The following ATAD2B variants were observed in gnomAD, a reference collection of about 807,000 sequenced individuals.
ATAD2B encodes ATPase family AAA domain-containing protein 2B.
Under a neutral mutation model 167.6 loss-of-function variants are expected in ATAD2B, and 40 were observed. The observed-to-expected ratio is 0.24, with a 90% CI of 0.19 to 0.31. ATAD2B has a LOEUF of 0.31. Ranked by LOEUF, ATAD2B falls within the 10% of genes least tolerant of loss-of-function variation. The pLI is 1.00. For missense variants in ATAD2B, 1,242 were observed against 1,757.2 expected (o/e 0.71, Z 5.24); for synonymous variants, 579 against 596.5 (o/e 0.97, Z 0.43).
intron 10 of ATAD2B, chr2:23,865,893 G>C (rs1191418277): frequency 3.9e-5 from 25 of 642,214 alleles, no homozygotes; most frequent in Non-Finnish European, 4.4e-5. Context: ...AAAGTGTACA[G>C]ACAAAAAATG....
At chr2:23,839,678 G>T (rs965089731) in intron 13 of ATAD2B, among the ~76,000 whole-genome samples, 6 of 152,158 alleles carry the variant, frequency 3.9e-5, no homozygotes, top group African/African-American at 1.4e-4. Flanking sequence ...ATGTTCACAA[G>T]TGAGACTAGT....
rs558358718 is a variant in ATAD2B, at chr2:23,811,913, AAACT to A, written c.2268-1415_2268-1412del. ...ACAAATTTTATTTCTGTAACAACAAAAACTAACTGTTACTACCCTGACAGATGAC... is the reference window on the plus strand; with the variant it reads ...ACAAATTTTATTTCTGTAACAACAAAAACTGTTACTACCCTGACAGATGAC... On this transcript the variant is annotated intron_variant, in intron 17 of 27. Coordinates refer to ENST00000238789, the MANE Select transcript of ATAD2B (RefSeq NM_017552.4). Among the ~76,000 whole-genome samples the A allele has an allele frequency of 2.0e-4, 31 of 152,180 alleles. No individual in the cohort carries two copies. The South Asian group carries it at 4.4e-3, about 21-fold the overall frequency.
intron 22 of ATAD2B, among the ~76,000 whole-genome samples, chr2:23,775,197 A>G (rs181661072): frequency 2.0e-5 from 3 of 151,260 alleles, no homozygotes; most frequent in African/African-American, 7.3e-5. Flanking sequence ...GGGTAGGTAA[A>G]TTTTATTTTA....
intron 1 of ATAD2B, among the ~76,000 whole-genome samples, chr2:23,904,724 C>T (rs1436044642): frequency 1.3e-5 from 2 of 152,020 alleles, no homozygotes; most frequent in Non-Finnish European, 2.9e-5. Flanking sequence ...TGTATGGGTA[C>T]AAATCAATCT....
intron 15 of ATAD2B, among the ~76,000 whole-genome samples, chr2:23,828,055 A>C (rs945631562): frequency 3.9e-5 from 6 of 152,000 alleles, no homozygotes; most frequent in Non-Finnish European, 7.4e-5. Context: ...AATGCTTAAA[A>C]AGTTCATGAA....
chr2:23,788,389 A>G, intron 20 of ATAD2B, 123 bp downstream of exon 20: 3 of 1,106,438 alleles, frequency 2.7e-6, no homozygotes, highest in Non-Finnish European at 3.9e-6. Flanking sequence ...TCATCTAAAG[A>G]TAAACAGAAC....
At chr2:23,834,146 G>C in intron 13 of ATAD2B, 68 bp from the exon 14 acceptor site, 1 of 176,460 alleles carries the variant, frequency 5.7e-6, no homozygotes. Flanking sequence ...ACGTTTATCA[G>C]TCTTTCTTTT....
chr2:23,753,582 AT>A (rs1427573174), intron 27 of ATAD2B, among the ~76,000 whole-genome samples: 1 of 152,202 alleles, frequency 6.6e-6, no homozygotes, highest in African/African-American at 2.4e-5. Context: ...GCTCATATTT[AT>A]ACAGGAAGAA....
the ATAD2B span, chr2:23,684,341 T>TAAAA: frequency 1.0e-6 from 1 of 994,028 alleles, no homozygotes; most frequent in Admixed American, 4.2e-5. This position sits in a 1 kb window ranked among gnomAD's most constrained non-coding sequence, Gnocchi z 4.4. Flanking sequence ...TTTTTTTAAT[T>TAAAA]AAAAAAAAAA....
chr2:23,918,694 T>C (rs1703442613), intron 1 of ATAD2B, among the ~76,000 whole-genome samples: 1 of 152,190 alleles, frequency 6.6e-6, no homozygotes, highest in South Asian at 2.1e-4. Context: ...ATACTTACAG[T>C]ATACAACAGC....
At chr2:23,775,913 C>T (rs1263928909) in intron 22 of ATAD2B, among the ~76,000 whole-genome samples, 1 of 151,944 alleles carries the variant, frequency 6.6e-6, no homozygotes, top group Non-Finnish European at 1.5e-5. Flanking sequence ...GTCAAGAGAT[C>T]GAGACCATCC....
downstream of ATAD2B, among the ~76,000 whole-genome samples, chr2:23,744,062 A>G (rs1196534575): frequency 6.6e-6 from 1 of 152,254 alleles, no homozygotes; most frequent in East Asian, 1.9e-4. Context: ...AATAATGCAA[A>G]TACTGAATAA....
intron 19 of ATAD2B, among the ~76,000 whole-genome samples, chr2:23,795,365 G>T (rs771033500): frequency 6.6e-6 from 1 of 151,796 alleles, no homozygotes; most frequent in Non-Finnish European, 1.5e-5. Context: ...TCACTCTGTT[G>T]CCCAGGCTGG....
chr2:23,876,554 C>T (rs1396045547), intron 7 of ATAD2B, among the ~76,000 whole-genome samples: 1 of 152,168 alleles, frequency 6.6e-6, no homozygotes, highest in Non-Finnish European at 1.5e-5. Context: ...CCCGCCTAGG[C>T]CTCCCAAATT....
chr2:23,788,028 C>T (rs1053206482), intron 20 of ATAD2B, among the ~76,000 whole-genome samples: 1 of 152,016 alleles, frequency 6.6e-6, no homozygotes, highest in Non-Finnish European at 1.5e-5. Context: ...GGCTAGAATA[C>T]AACGTTAAAT....
intron 10 of ATAD2B, among the ~76,000 whole-genome samples, chr2:23,866,823 T>C (rs1378332725): frequency 6.6e-6 from 1 of 152,222 alleles, no homozygotes; most frequent in Non-Finnish European, 1.5e-5. Context: ...TTATGTTGTA[T>C]AGAGAGATTT....
At chr2:23,747,313 G>A (rs562040845), downstream of ATAD2B, among the ~76,000 whole-genome samples, 3 of 150,798 alleles carry the variant, frequency 2.0e-5, no homozygotes, top group South Asian at 2.1e-4. Flanking sequence ...ATATACATAT[G>A]TGTAATATAT....
chr2:23,840,760 T>C (rs1047437240), intron 13 of ATAD2B, among the ~76,000 whole-genome samples: 2 of 152,208 alleles, frequency 1.3e-5, no homozygotes, highest in Non-Finnish European at 2.9e-5. Context: ...GAGCATTAAA[T>C]GATTTTTTTG....
chr2:23,863,038 G>C (rs1694651172), intron 12 of ATAD2B, among the ~76,000 whole-genome samples: 1 of 152,186 alleles, frequency 6.6e-6, no homozygotes, highest in South Asian at 2.1e-4. Context: ...TGTATTTGCA[G>C]ATTAAACGTA....
Sources: allele counts gnomAD v4.1 joint callset (sites outside exome capture counted in the v4.1 genomes callset), GRCh38; gene constraint gnomAD v4.1.1; non-coding constraint Gnocchi (gnomAD v3.1); transcripts MANE v1.5; gene names NCBI Gene and HGNC (gene_info 2026-07-23, HGNC 2026-07-21).